KCNH2: variants seen among roughly 807,000 people sequenced by gnomAD.
KCNH2 encodes voltage-gated inwardly rectifying potassium channel KCNH2.
KCNH2 carries 35 observed loss-of-function variants against 95.9 expected under a neutral mutation model. The ratio of observed to expected loss-of-function variants is 0.37; its 90% CI spans 0.28 to 0.48. The LOEUF (loss-of-function observed/expected upper bound fraction) is 0.48, where lower values mean the gene tolerates loss of function less well. KCNH2 is among the 20% of genes least tolerant of loss of function. The pLI, the probability that KCNH2 is intolerant of heterozygous loss-of-function variation, is 0.99. For missense variants in KCNH2, 1,274 were observed against 1,702.9 expected, an observed-to-expected ratio of 0.75 and a Z score of 4.43; for synonymous variants, 786 against 754.7, an observed-to-expected ratio of 1.04 and a Z score of -0.68.
chr7:150,953,644 C>T (rs1046207743), intron 5 of KCNH2, among the ~76,000 whole-genome samples: 3 of 152,226 alleles, frequency 2.0e-5, no homozygotes, highest in African/African-American at 4.8e-5. Flanking sequence ...GCTGGCCATC[C>T]GGACCCGGTG....
At chr7:150,949,408 A>AC (rs1407447256) in intron 9 of KCNH2, 1 of 346,788 alleles carries the variant, frequency 2.9e-6, no homozygotes, top group African/African-American at 3.0e-5. Context: ...CAAAACCAGC[A>AC]TTTTTTTTTT....
rs1801205833 is a variant in KCNH2, at chr7:150,952,342, C to T, written c.1557+83G>A. On this transcript the variant is annotated intron_variant, in intron 6 of 14. Transcript: ENST00000262186. This position sits in a 1 kb window ranked among gnomAD's most constrained non-coding sequence, Gnocchi z 7.3. ...TCTCTCTCTTTTTCTCTGTCCTCCT[C>T]GCCACCCCCTCCACCCCACTACCTC... 17 of 1,346,530 alleles carry T rather than the reference C, an allele frequency of 1.3e-5. No homozygotes were observed. Among genetic ancestry groups the T allele is most frequent in the Admixed American group, 5.8e-5 (3 of 51,646 alleles). The allele number at this position is 1,346,530 out of a possible 1,614,324, so 83.4% of individuals were successfully genotyped here.
At chr7:150,968,307 T>G (rs964777407) in intron 2 of KCNH2, among the ~76,000 whole-genome samples, 1 of 152,200 alleles carries the variant, frequency 6.6e-6, no homozygotes, top group Non-Finnish European at 1.5e-5. Context: ...TCCAAGGATA[T>G]TCACTACAGC....
Position 150,950,485 on chromosome 7 carries a change from C to T in KCNH2, c.2146-65G>A, listed in dbSNP as rs951923379. ...GGGACCCCCCAACCCACACTCTACT[C>T]CACCATCCCACCCCTCCATGTCAGA... is the stretch of plus-strand genomic sequence containing the variant. On this transcript the variant is annotated intron_variant, in intron 8 of 14. Transcript: ENST00000262186. 3 of 1,573,514 alleles carry T rather than the reference C, an allele frequency of 1.9e-6. No homozygotes were observed. The African/African-American group carries it at 4.0e-5, about 21-fold the overall frequency.
chr7:150,953,189 G>A (rs891338092), intron 5 of KCNH2, among the ~76,000 whole-genome samples: 1 of 152,150 alleles, frequency 6.6e-6, no homozygotes, highest in African/African-American at 2.4e-5. Flanking sequence ...CTGAGACGCT[G>A]GCCCACACAC....
Position 150,945,402 on chromosome 7 carries a change from T to C in KCNH2, c.3443A>G (p.Gln1148Arg). ...LPGQLGALTS[Q>R]PLHRHGSDPG... ...GTCCGAGCCGTGTCTGTGCAGGGGC[T>C]GGGAGGTGAGGGCCCCCAGCTGGCC... Residue 1148 changes from glutamine (Q) to arginine (R), a missense_variant, in exon 15 of 15, where the codon CAG (glutamine) becomes CGG (arginine). Around this residue, in one of 7 missense-constraint regions of KCNH2, gnomAD observed 457 missense variants for 416.1 expected, o/e 1.10. Transcript: ENST00000262186. This position sits in a 1 kb window ranked among gnomAD's most constrained non-coding sequence, Gnocchi z 5.6. 6.3e-7 allele frequency: 1 copy of C among 1,586,448 alleles called. No homozygotes were observed. The highest frequency in any genetic ancestry group is 8.6e-7 in the Non-Finnish European group (1 of 1,166,618).
intron 5 of KCNH2, 121 bp downstream of exon 5, chr7:150,957,170 C>T: frequency 2.5e-6 from 2 of 814,832 alleles, no homozygotes; most frequent in South Asian, 1.5e-5. Context: ...CTCAGGTCTG[C>T]CTCCCTCCAA....
chr7:150,947,976 G>C (rs1008802604), intron 11 of KCNH2, 98 bp from the exon 12 acceptor site: 5 of 1,372,076 alleles, frequency 3.6e-6, no homozygotes, highest in Non-Finnish European at 4.8e-6. Context: ...AGAGAGGACT[G>C]GGCAGGAAGC....
chr7:150,962,571 A>G lies in KCNH2; in HGVS notation c.308-2835T>C, dbSNP rs1207228148. Reference sequence around the variant, plus strand: ...TGCCAGGGTCGCAGAAACTCTAGGTATACGCCACCTCACAGCACAAGCCTG... The same window carrying G: ...TGCCAGGGTCGCAGAAACTCTAGGTGTACGCCACCTCACAGCACAAGCCTG... On this transcript the variant is annotated intron_variant, in intron 2 of 14. Transcript: ENST00000262186. This position sits in a 1 kb window ranked among gnomAD's most constrained non-coding sequence, Gnocchi z 5.7. Among the ~76,000 whole-genome samples the G allele has an allele frequency of 6.6e-6, 1 of 151,806 alleles. No homozygotes were observed. Among genetic ancestry groups the G allele is most frequent in the Non-Finnish European group, 1.5e-5 (1 of 67,968 alleles).
rs1802028769 is a variant in KCNH2, at chr7:150,978,260, C to G, written c.-347G>C. 6.8e-6 allele frequency: 1 copy of G among 146,612 alleles called. No homozygotes were observed. Among genetic ancestry groups the G allele is most frequent in the African/African-American group, 2.5e-5 (1 of 40,784 alleles). 9.1% of individuals were successfully genotyped at this position (146,612 alleles called of 1,614,324 possible). On this transcript the variant is annotated 5_prime_UTR_variant, in exon 1 of 15. Coordinates refer to ENST00000262186, the MANE Select transcript of KCNH2 (RefSeq NM_000238.4). ...TGGCTCCCGCCTGCCACCGCGCCGA[C>G]AGCCGCTCCAGCGCCCGCGGCTCGG...
rs150275982 is a variant in KCNH2 at position 150,951,812 on chromosome 7, C to T, written c.1581G>A (p.Ala527=). Residue 527 remains alanine, a synonymous_variant, in exon 7 of 15, where the codon GCG becomes GCA. Transcript: ENST00000262186. ...CCACGCGCACCAGCCGCAGCAGCCG[C>T]GCAGTCTTCAGCAGCCCGATCAGCT... ...SEELIGLLKT[A]RLLRLVRVAR... is the part of the protein sequence containing the mutation. The T allele has an allele frequency of 1.7e-4, 264 of 1,588,234 alleles. 1 individual carries two copies. The African/African-American group carries it at 2.9e-3, about 18-fold the overall frequency.
intron 1 of KCNH2, among the ~76,000 whole-genome samples, chr7:150,975,783 C>G (rs769732926): frequency 1.3e-5 from 2 of 152,210 alleles, no homozygotes; most frequent in Non-Finnish European, 2.9e-5. Flanking sequence ...GGCAGAAGCC[C>G]AAGGTCATAG....
At chr7:150,949,405 AGCAT>A in intron 9 of KCNH2, 2 of 729,446 alleles carry the variant, frequency 2.7e-6, no homozygotes, top group Non-Finnish European at 3.5e-6. Context: ...AATCAAAACC[AGCAT>A]TTTTTTTTTT....
At chr7:150,950,778 TG>T in intron 8 of KCNH2, 142 bp downstream of exon 8, 1 of 895,968 alleles carries the variant, frequency 1.1e-6, no homozygotes, top group Non-Finnish European at 1.8e-6. Flanking sequence ...CATTTCCTCA[TG>T]GGCAAAAAGG....
rs199698029 is a variant in KCNH2, at chr7:150,955,408, G to A, written c.1128+1883C>T. 4.2e-5 allele frequency: 65 copies of A among 1,561,218 alleles called. 1 individual carries two copies. The East Asian group carries it at 4.8e-4, about 12-fold the overall frequency. Reference sequence around the variant, plus strand: ...GGGTGTCACCTACCTCCTGGGCCACGAGGCTGGAGATGCGCACGGCCCGCC... The same window carrying A: ...GGGTGTCACCTACCTCCTGGGCCACAAGGCTGGAGATGCGCACGGCCCGCC... On this transcript the variant is annotated intron_variant, in intron 5 of 14. Transcript: ENST00000262186.
rs747313232 is a variant in KCNH2 at position 150,957,484 on chromosome 7, C to G, written c.935G>C (p.Arg312Pro). Residue 312 changes from arginine to proline, a missense_variant, in exon 5 of 15, where the codon CGC becomes CCC. Physicochemically the swap from Arg to Pro is moderately radical, Grantham distance 103. Transcript: ENST00000262186. ...HASTGAMHPL[R>P]SGLLNSTSDS... ...CGAGGTGGAGTTGAGCAAGCCGCTGCGCAGTGGGTGCATGGCCCCTAGGTG... is the reference window on the plus strand; with the variant it reads ...CGAGGTGGAGTTGAGCAAGCCGCTGGGCAGTGGGTGCATGGCCCCTAGGTG... The G allele has an allele frequency of 6.2e-7, 1 of 1,613,634 alleles. No homozygotes were observed. Among genetic ancestry groups the G allele is most frequent in the African/African-American group, 1.3e-5 (1 of 74,932 alleles).
At chr7:150,975,607 C>A (rs1801964343) in intron 1 of KCNH2, among the ~76,000 whole-genome samples, 1 of 152,216 alleles carries the variant, frequency 6.6e-6, no homozygotes, top group South Asian at 2.1e-4. Flanking sequence ...TCATTAGGTC[C>A]TCTGACAACC....
chr7:150,955,248 G>T (rs757196616), intron 5 of KCNH2: 5 of 803,664 alleles, frequency 6.2e-6, no homozygotes, highest in South Asian at 3.1e-5. Context: ...GGAGCCAGGC[G>T]CGGGTGAGCA....
rs199473034 is a variant in KCNH2, at chr7:150,945,415, C to A, written c.3430G>T (p.Ala1144Ser). The part of the protein sequence containing the change: ...RRLSLPGQLG[A>S]LTSQPLHRHG... ...CTGTGCAGGGGCTGGGAGGTGAGGG[C>A]CCCCAGCTGGCCCGGTAGGGAGAGG... Residue 1144 changes from alanine to serine, a missense_variant, in exon 15 of 15, where the codon GCC becomes TCC. By Grantham distance (99) the Ala-to-Ser change is moderately conservative. Coordinates refer to ENST00000262186, the MANE Select transcript of KCNH2 (RefSeq NM_000238.4). This position sits in a 1 kb window ranked among gnomAD's most constrained non-coding sequence, Gnocchi z 5.6. 1 of 1,580,718 alleles carries A rather than the reference C, an allele frequency of 6.3e-7. No individual in the cohort carries two copies.
Sources: allele counts gnomAD v4.1 joint callset (sites outside exome capture counted in the v4.1 genomes callset), GRCh38; gene constraint gnomAD v4.1.1; regional missense constraint gnomAD v4.1.1; non-coding constraint Gnocchi (gnomAD v3.1); transcripts MANE v1.5; gene names NCBI Gene and HGNC (gene_info 2026-07-23, HGNC 2026-07-21).